SEC14L1: variants seen among roughly 807,000 people sequenced by gnomAD.
The protein encoded by SEC14L1 is SEC14-like protein 1.
SEC14L1 carries 48 observed loss-of-function variants against 85.3 expected under a neutral mutation model. The ratio of observed to expected loss-of-function variants is 0.56; its 90% CI spans 0.45 to 0.72. The LOEUF (loss-of-function observed/expected upper bound fraction) is 0.72, where lower values mean the gene tolerates loss of function less well. Ranked by LOEUF, SEC14L1 falls within the 30% of genes least tolerant of loss-of-function variation. The probability of loss-of-function intolerance (pLI) is 0.00; values close to 1 mark genes in which losing one functional copy is unlikely to be tolerated. For missense variants in SEC14L1, 682 were observed against 921.4 expected (o/e 0.74, Z 3.36); for synonymous variants, 391 against 355.5 (o/e 1.10, Z -1.12).
At chr17:77,207,520 C>T (rs527353790) in intron 13 of SEC14L1, among the ~76,000 whole-genome samples, 4 of 152,150 alleles carry the variant, frequency 2.6e-5, no homozygotes, top group African/African-American at 9.6e-5. Context: ...GGTGCAATCT[C>T]AGCTCACTGC....
chr17:77,106,302 G>A (rs1971913083), intron 3 of SEC14L1, among the ~76,000 whole-genome samples: 2 of 152,162 alleles, frequency 1.3e-5, no homozygotes, highest in Admixed American at 6.5e-5. Context: ...GGGAGGCTAA[G>A]GTGGGCGGAT....
chr17:77,091,059 G>A (rs1971504022), intron 2 of SEC14L1, among the ~76,000 whole-genome samples: 1 of 152,024 alleles, frequency 6.6e-6, no homozygotes, highest in South Asian at 2.1e-4. Context: ...AGAATAATGG[G>A]ATACCATTAT....
Position 77,206,638 on chromosome 17 carries a change from C to A in SEC14L1, c.1342-90C>A. The A allele has an allele frequency of 1.4e-6, 2 of 1,451,874 alleles. No homozygotes were observed. Among genetic ancestry groups the A allele is most frequent in the Non-Finnish European group, 1.9e-6 (2 of 1,065,538 alleles). 89.9% of individuals were successfully genotyped at this position (1,451,874 alleles called of 1,614,324 possible). The stretch of plus-strand genomic sequence containing the variant: ...TATAAACTTGAATGTCTTCCCCCCA[C>A]CCTCCCACTCAGAATACCACATTGT... On this transcript the variant is annotated intron_variant, in intron 12 of 16. Transcript: ENST00000436233. The surrounding 1 kb of genome is among the most constrained non-coding windows in gnomAD (Gnocchi z 4.3).
At chr17:77,190,108 C>T (rs1017525583) in intron 3 of SEC14L1, among the ~76,000 whole-genome samples, 3 of 151,766 alleles carry the variant, frequency 2.0e-5, no homozygotes, top group African/African-American at 4.8e-5. Flanking sequence ...ACATTTAAGT[C>T]GCTGATCTTT....
chr17:77,126,646 C>G (rs1163148233), intron 3 of SEC14L1, among the ~76,000 whole-genome samples: 1 of 152,212 alleles, frequency 6.6e-6, no homozygotes, highest in Non-Finnish European at 1.5e-5. Flanking sequence ...AGGTCAAGCT[C>G]TTCTCCAGGT....
intron 3 of SEC14L1, among the ~76,000 whole-genome samples, chr17:77,132,252 G>A (rs1972635697): frequency 1.4e-5 from 2 of 147,438 alleles, no homozygotes; most frequent in South Asian, 4.2e-4. Flanking sequence ...TTTTGAGCCG[G>A]AGTCTGGCTC....
chr17:77,108,085 C>G (rs1971958189), intron 3 of SEC14L1, among the ~76,000 whole-genome samples: 1 of 151,130 alleles, frequency 6.6e-6, no homozygotes, highest in Non-Finnish European at 1.5e-5. Context: ...CTGTTCCATG[C>G]CCCCCCATAC....
chr17:77,198,864 G>T (rs658825), intron 8 of SEC14L1: 51,222 of 151,672 alleles, frequency 0.34, 9,144 homozygotes, highest in South Asian at 0.43. Context: ...GAGCCACCGC[G>T]CCCGGCCATG....
intron 3 of SEC14L1, among the ~76,000 whole-genome samples, chr17:77,111,630 G>C (rs1972050312): frequency 6.6e-6 from 1 of 152,138 alleles, no homozygotes; most frequent in African/African-American, 2.4e-5. Flanking sequence ...GAACTTTAAG[G>C]TTTAATGACT....
In SEC14L1 at chr17:77,193,506, T is replaced by A. The variant is rs1198834491; in HGVS notation, c.431T>A (p.Val144Glu). The A allele has an allele frequency of 1.2e-6, 2 of 1,612,378 alleles. No homozygotes were observed. Among genetic ancestry groups the A allele is most frequent in the Non-Finnish European group, 1.7e-6 (2 of 1,178,920 alleles). The change falls in exon 6 of 17, where the codon GTG (valine) becomes GAG (glutamate). Residue 144 changes from valine to glutamate, a missense_variant. Around this residue, in one of 3 missense-constraint regions of SEC14L1, gnomAD observed 139 missense variants for 201.3 expected, o/e 0.69. Coordinates refer to ENST00000436233, the MANE Select transcript of SEC14L1 (RefSeq NM_001143998.2). ...IKSFFGFEST[V>E]EKIAMKQYTS... is the part of the protein sequence containing the mutation. ...TCTTTCTTTGGTTTTGAAAGTACAG[T>A]GGAAAAAATTGCAATGAAACAATAT...
Position 77,215,721 on chromosome 17 carries a change from TTCGTAGGTAGGGC to T in SEC14L1, c.*1700_*1712del, listed in dbSNP as rs1977004559. ...TTTGCTTCCGGAAAGCGCGGTAGGG[TTCGTAGGTAGGGC>T]TAGTAGGTAGGGTTAGTAGGTAGGG... On this transcript the variant is annotated 3_prime_UTR_variant, in exon 17 of 17. Coordinates refer to ENST00000436233, the MANE Select transcript of SEC14L1 (RefSeq NM_001143998.2). 1.0e-6 allele frequency: 1 copy of T among 991,546 alleles called. No homozygotes were observed. Among genetic ancestry groups the T allele is most frequent in the Non-Finnish European group, 1.2e-6 (1 of 833,656 alleles). 61.4% of individuals were successfully genotyped at this position (991,546 alleles called of 1,614,324 possible). A position where few individuals can be genotyped will look rare whatever the true frequency, so the allele number is the denominator to read the frequency against.
At chr17:77,162,376 C>T (rs563831467) in intron 3 of SEC14L1, among the ~76,000 whole-genome samples, 21 of 152,262 alleles carry the variant, frequency 1.4e-4, no homozygotes, top group Non-Finnish European at 2.2e-4. Context: ...ACTGATTTGA[C>T]AGCCATTTTA....
intron 3 of SEC14L1, among the ~76,000 whole-genome samples, chr17:77,148,787 T>G (rs1973427142): frequency 6.6e-6 from 1 of 152,236 alleles, no homozygotes; most frequent in South Asian, 2.1e-4. Flanking sequence ...CCACACACTT[T>G]CCATTGTGTG....
At chr17:77,179,171 TC>T (rs1030396146) in intron 3 of SEC14L1, among the ~76,000 whole-genome samples, 1 of 152,190 alleles carries the variant, frequency 6.6e-6, no homozygotes, top group Non-Finnish European at 1.5e-5. Context: ...GTTGGCCCAT[TC>T]CCTGTCTGTT....
intron 3 of SEC14L1, among the ~76,000 whole-genome samples, chr17:77,177,506 TTAAAAGTAC>T (rs1974813454): frequency 6.6e-6 from 1 of 151,776 alleles, no homozygotes; most frequent in African/African-American, 2.4e-5. Context: ...GAAGAATACA[TTAAAAGTAC>T]TTTAAGAGAA....
intron 3 of SEC14L1, among the ~76,000 whole-genome samples, chr17:77,115,931 TA>T (rs1311664826): frequency 6.3e-5 from 9 of 143,432 alleles, no homozygotes; most frequent in Non-Finnish European, 9.4e-5. Context: ...TTTTTTTTTT[TA>T]AATTTTGAGA....
chr17:77,142,194 G>A (rs577955085), intron 1 of SEC14L1, among the ~76,000 whole-genome samples: 12 of 152,216 alleles, frequency 7.9e-5, no homozygotes, highest in Admixed American at 1.3e-4. Context: ...GTCAGATGGC[G>A]ATGTTTTCCA....
intron 3 of SEC14L1, chr17:77,152,633 G>T (rs575327268): frequency 6.6e-6 from 1 of 152,104 alleles, no homozygotes; most frequent in Non-Finnish European, 1.5e-5. Context: ...ATCACGTCTC[G>T]GGTAAACCTC....
intron 3 of SEC14L1, among the ~76,000 whole-genome samples, chr17:77,170,253 G>C (rs752936241): frequency 6.6e-6 from 1 of 152,126 alleles, no homozygotes; most frequent in Non-Finnish European, 1.5e-5. Flanking sequence ...ACTCTGGTTG[G>C]GGTGGGTCCT....
Sources: allele counts gnomAD v4.1 joint callset (sites outside exome capture counted in the v4.1 genomes callset), GRCh38; gene constraint gnomAD v4.1.1; regional missense constraint gnomAD v4.1.1; non-coding constraint Gnocchi (gnomAD v3.1); transcripts MANE v1.5; gene names NCBI Gene and HGNC (gene_info 2026-07-23, HGNC 2026-07-21).